Variants in PLEKHA8 observed in about 807,000 individuals in gnomAD.
PLEKHA8 encodes pleckstrin homology domain-containing family A member 8.
A neutral mutation model predicts 68.2 loss-of-function variants in PLEKHA8; 36 were observed. The ratio of observed to expected loss-of-function variants is 0.53; its 90% CI spans 0.40 to 0.70. The LOEUF (loss-of-function observed/expected upper bound fraction) is 0.70. Among genes scored for constraint, PLEKHA8 ranks in the 30% least tolerant of loss-of-function variants. The pLI is 0.00. For synonymous variants in PLEKHA8, 211 were observed against 216.1 expected, an observed-to-expected ratio of 0.98 and a Z score of 0.20; for missense variants, 505 against 615.4, an observed-to-expected ratio of 0.82 and a Z score of 1.90.
At position 30,046,248 on chromosome 7, in the gene PLEKHA8, C is replaced by A; in HGVS notation, c.196C>A (p.Pro66Thr). The change falls in exon 3 of 14, where the codon CCT becomes ACT. Residue 66 changes from proline to threonine, a missense_variant. Coordinates refer to ENST00000449726, the MANE Select transcript of PLEKHA8 (RefSeq NM_001197026.2). ...TAATACACGCATGGACCTGATAATC[C>A]CTGGGGAACAGTATTTCTACCTGAA... is the stretch of plus-strand genomic sequence containing the variant. ...VDNTRMDLII[P>T]GEQYFYLKAR... The A allele has an allele frequency of 6.2e-7, 1 of 1,613,290 alleles. No homozygotes were observed. Among genetic ancestry groups the A allele is most frequent in the Non-Finnish European group, 8.5e-7 (1 of 1,179,522 alleles).
At chr7:30,032,000 G>A (rs1201991187) in intron 1 of PLEKHA8, among the ~76,000 whole-genome samples, 1 of 151,752 alleles carries the variant, frequency 6.6e-6, no homozygotes, top group Non-Finnish European at 1.5e-5. Flanking sequence ...ATGTATTTTC[G>A]TTTACAGTCT....
At chr7:30,111,663 A>G (rs1796279547) in intron 13 of PLEKHA8, among the ~76,000 whole-genome samples, 1 of 151,196 alleles carries the variant, frequency 6.6e-6, no homozygotes. Context: ...TCTGTCATCT[A>G]GGCTGGAATA....
chr7:30,129,546 C>T, downstream of PLEKHA8: 1 of 539,682 alleles, frequency 1.9e-6, no homozygotes, highest in Non-Finnish European at 3.3e-6. Context: ...AACATGTACA[C>T]CTGATTTAAC....
chr7:30,080,385 A>T lies in PLEKHA8; in HGVS notation c.*1598A>T. On this transcript the variant is annotated 3_prime_UTR_variant, in exon 14 of 14. Coordinates refer to ENST00000449726, the MANE Select transcript of PLEKHA8 (RefSeq NM_001197026.2). Reference sequence around the variant, plus strand: ...TAACAGGAAGGGAAGTTCCAGCATGAGGTAGTTATCCAGGGTAGAAGGTCC... The same window carrying T: ...TAACAGGAAGGGAAGTTCCAGCATGTGGTAGTTATCCAGGGTAGAAGGTCC... 5 of 985,172 alleles carry T rather than the reference A, an allele frequency of 5.1e-6. No individual in the cohort carries two copies. Among genetic ancestry groups the T allele is most frequent in the Non-Finnish European group, 3.6e-6 (3 of 829,850 alleles). 61.0% of individuals were successfully genotyped at this position (985,172 alleles called of 1,614,324 possible).
At chr7:30,030,325 T>C (rs1269596824) in intron 1 of PLEKHA8, among the ~76,000 whole-genome samples, 2 of 152,196 alleles carry the variant, frequency 1.3e-5, no homozygotes. Flanking sequence ...CTTTTCCTTC[T>C]CCTTTCTATA....
intron 1 of PLEKHA8, 39 bp downstream of exon 1, chr7:30,028,841 G>T: frequency 8.0e-7 from 1 of 1,251,178 alleles, no homozygotes; most frequent in South Asian, 4.1e-5. Flanking sequence ...GCCGGGGGCC[G>T]GTCCTTTGTC....
rs753684881 is a variant in PLEKHA8, at chr7:30,081,665, G to A, written c.*2878G>A. On this transcript the variant is annotated 3_prime_UTR_variant, in exon 14 of 14. Transcript: ENST00000449726. ...GCAGAGTAATCACTTTGTTCTCATC[G>A]CTCAAAGCATTTTTAGGATTATTTT... 137 of 985,166 alleles carry A rather than the reference G, an allele frequency of 1.4e-4. No individual in the cohort carries two copies. The highest frequency in any genetic ancestry group is 1.6e-4 in the Non-Finnish European group (133 of 829,756). The allele number at this position is 985,166 out of a possible 1,614,324, so 61.0% of individuals were successfully genotyped here. A position where few individuals can be genotyped will look rare whatever the true frequency, so the allele number is the denominator to read the frequency against.
chr7:30,073,833 A>T (rs1794425018), intron 12 of PLEKHA8, among the ~76,000 whole-genome samples: 1 of 152,002 alleles, frequency 6.6e-6, no homozygotes, highest in South Asian at 2.1e-4. Context: ...ACAAAAAATT[A>T]AAAATAATTA....
chr7:30,129,963 G>C (rs1796845966), downstream of PLEKHA8: 1 of 153,408 alleles, frequency 6.5e-6, no homozygotes, highest in Non-Finnish European at 1.5e-5. Context: ...ATCTGGGGCA[G>C]GCTTTAGTAC....
chr7:30,116,204 A>G (rs1395714511), intron 13 of PLEKHA8, among the ~76,000 whole-genome samples: 2 of 151,434 alleles, frequency 1.3e-5, no homozygotes, highest in Non-Finnish European at 1.5e-5. Context: ...ATACACGTAT[A>G]CATGTATACA....
chr7:30,117,905 G>A (rs1796618419), intron 13 of PLEKHA8: 1 of 1,115,310 alleles, frequency 9.0e-7, no homozygotes, highest in Non-Finnish European at 1.3e-6. Context: ...AGATTGCCAA[G>A]ACTTTATTCA....
At chr7:30,127,614 A>G (rs550352470) in intron 13 of PLEKHA8, among the ~76,000 whole-genome samples, 11 of 152,348 alleles carry the variant, frequency 7.2e-5, no homozygotes, top group Admixed American at 3.9e-4. Context: ...GGTGTCTTCA[A>G]TGGAAAACTA....
In PLEKHA8 at chr7:30,083,594, G is replaced by T. The variant is rs1795049515; in HGVS notation, c.*4807G>T. The T allele has an allele frequency of 1.0e-6, 1 of 985,364 alleles. No individual in the cohort carries two copies. The highest frequency in any genetic ancestry group is 1.2e-6 in the Non-Finnish European group (1 of 829,926). The allele number at this position is 985,364 out of a possible 1,614,324, so 61.0% of individuals were successfully genotyped here. A position where few individuals can be genotyped will look rare whatever the true frequency, so the allele number is the denominator to read the frequency against. ...TGCCTCTCTGGTACAGTTGATGCAT[G>T]CATTGATCTTTCTTCTCTGCTGTTT... On this transcript the variant is annotated 3_prime_UTR_variant, in exon 14 of 14. Transcript: ENST00000449726.
intron 13 of PLEKHA8, among the ~76,000 whole-genome samples, chr7:30,109,632 G>T (rs1583478305): frequency 1.5e-5 from 2 of 134,576 alleles, no homozygotes; most frequent in African/African-American, 2.7e-5. Flanking sequence ...GATTAACATT[G>T]TGTAACTACA....
At chr7:30,123,031 C>G (rs35283282) in intron 13 of PLEKHA8, among the ~76,000 whole-genome samples, 73 of 152,228 alleles carry the variant, frequency 4.8e-4, no homozygotes, top group African/African-American at 1.3e-3. Context: ...CTTTCCCCCC[C>G]CTAAGCTAGC....
At chr7:30,109,878 G>A (rs1796212893) in intron 13 of PLEKHA8, among the ~76,000 whole-genome samples, 1 of 151,710 alleles carries the variant, frequency 6.6e-6, no homozygotes, top group African/African-American at 2.4e-5. Flanking sequence ...AATCACCCAG[G>A]TTGGTCTCAA....
At chr7:30,109,557 C>T (rs1279601665) in intron 13 of PLEKHA8, among the ~76,000 whole-genome samples, 2 of 122,140 alleles carry the variant, frequency 1.6e-5, no homozygotes, top group African/African-American at 6.3e-5. Flanking sequence ...CATTGCACTC[C>T]AGCCTGGGCA....
At chr7:30,057,575 A>G (rs1793096671) in intron 9 of PLEKHA8, among the ~76,000 whole-genome samples, 1 of 151,500 alleles carries the variant, frequency 6.6e-6, no homozygotes, top group Non-Finnish European at 1.5e-5. Flanking sequence ...CTCCTGCCCC[A>G]GCCTCCCAAG....
chr7:30,084,617 ATTCG>A lies in PLEKHA8; in HGVS notation c.*5833_*5836del. ...TTTGAAAATATCTGTCAGATTTTAT[ATTCG>A]TTAGTTATAATAAACTTATTTTTAA... is the stretch of plus-strand genomic sequence containing the variant. On this transcript the variant is annotated 3_prime_UTR_variant, in exon 14 of 14. Coordinates refer to ENST00000449726, the MANE Select transcript of PLEKHA8 (RefSeq NM_001197026.2). The A allele has an allele frequency of 1.1e-6, 1 of 937,800 alleles. No individual in the cohort carries two copies. Among genetic ancestry groups the A allele is most frequent in the Non-Finnish European group, 1.3e-6 (1 of 786,772 alleles). 58.1% of individuals were successfully genotyped at this position (937,800 alleles called of 1,614,324 possible).
Sources: allele counts gnomAD v4.1 joint callset (sites outside exome capture counted in the v4.1 genomes callset), GRCh38; gene constraint gnomAD v4.1.1; transcripts MANE v1.5; gene names NCBI Gene and HGNC (gene_info 2026-07-23, HGNC 2026-07-21).